UBE2E1: variants seen among roughly 807,000 people sequenced by gnomAD.
The protein encoded by UBE2E1 is ubiquitin conjugating enzyme E2 E1.
UBE2E1 carries 6 observed loss-of-function variants against 21.4 expected under a neutral mutation model. The ratio of observed to expected loss-of-function variants is 0.28; its 90% CI spans 0.15 to 0.55. The LOEUF is 0.55. Ranked by LOEUF, UBE2E1 falls within the 20% of genes least tolerant of loss-of-function variation. UBE2E1 has a pLI of 0.93. For missense variants in UBE2E1, 142 were observed against 236.5 expected, an observed-to-expected ratio of 0.60 and a Z score of 2.62; for synonymous variants, 87 against 82.7, an observed-to-expected ratio of 1.05 and a Z score of -0.28.
rs1036451559 is a variant in UBE2E1 at position 23,876,824 on chromosome 3, G to A, written c.204-10743G>A. Among the ~76,000 whole-genome samples, 2 of 152,028 alleles carry A rather than the reference G, an allele frequency of 1.3e-5. No individual in the cohort carries two copies. Among genetic ancestry groups the A allele is most frequent in the Non-Finnish European group, 2.9e-5 (2 of 67,990 alleles). ...CTTTCAGAGGCCAAGCAGAAGTATC[G>A]CTTGAGCCCAGGAGTTCAAGACCAG... is the stretch of plus-strand genomic sequence containing the variant. On this transcript the variant is annotated intron_variant, in intron 3 of 5. Coordinates refer to ENST00000306627, the MANE Select transcript of UBE2E1 (RefSeq NM_003341.5). The surrounding 1 kb of genome is among the most constrained non-coding windows in gnomAD (Gnocchi z 4.3).
At chr3:23,832,005 C>G (rs1458683455) in intron 3 of UBE2E1, among the ~76,000 whole-genome samples, 1 of 152,176 alleles carries the variant, frequency 6.6e-6, no homozygotes, top group Admixed American at 6.5e-5. Flanking sequence ...CATGCCCAGC[C>G]AAATACTTTT....
At chr3:23,848,737 G>C (rs1363476964) in intron 3 of UBE2E1, among the ~76,000 whole-genome samples, 1 of 152,212 alleles carries the variant, frequency 6.6e-6, no homozygotes, top group East Asian at 1.9e-4. Flanking sequence ...GATTAGGAAA[G>C]AATTTAAACA....
rs76692634 is a variant in UBE2E1 at position 23,816,323 on chromosome 3, C to G, written c.203+4813C>G. On this transcript the variant is annotated intron_variant, in intron 3 of 5. Coordinates refer to ENST00000306627, the MANE Select transcript of UBE2E1 (RefSeq NM_003341.5). This position sits in a 1 kb window ranked among gnomAD's most constrained non-coding sequence, Gnocchi z 4.8. ...GTCTGTCAACAGATGAGTGGATAAA[C>G]AAAATTTGGTTAATCTATAAACTGG... 0.048 allele frequency among the ~76,000 whole-genome samples: 7,325 copies of G among 152,108 alleles called. 222 individuals are homozygous for G. Among genetic ancestry groups the G allele is most frequent in the East Asian group, 0.11 (557 of 5,178 alleles).
chr3:23,835,232 G>A (rs921179793), intron 3 of UBE2E1, among the ~76,000 whole-genome samples: 8 of 152,188 alleles, frequency 5.3e-5, no homozygotes, highest in Non-Finnish European at 1.0e-4. Context: ...CACTTTGGGA[G>A]GTTGAGGCAG....
intron 3 of UBE2E1, among the ~76,000 whole-genome samples, chr3:23,817,439 G>GA (rs71620796): frequency 3.9e-5 from 3 of 77,576 alleles, no homozygotes; most frequent in African/African-American, 1.3e-4. Flanking sequence ...AAAAAAAAAA[G>GA]AAAGAAAAGA....
chr3:23,880,072 G>C (rs537200913), intron 3 of UBE2E1, among the ~76,000 whole-genome samples: 6 of 152,228 alleles, frequency 3.9e-5, no homozygotes, highest in African/African-American at 1.4e-4. Flanking sequence ...CCTGGTGAGA[G>C]CCTGTCTCTA....
rs1457734225 is a variant in UBE2E1 at position 23,870,063 on chromosome 3, C to G, written c.204-17504C>G. 6.6e-6 allele frequency among the ~76,000 whole-genome samples: 1 copy of G among 152,180 alleles called. No individual in the cohort carries two copies. The highest frequency in any genetic ancestry group is 2.4e-5 in the African/African-American group (1 of 41,428). ...CTGGAGTCATGTGAAGCCTTCCTCA[C>G]TTTTACATGTCTGGTTTTCCACCTG... On this transcript the variant is annotated intron_variant, in intron 3 of 5. Coordinates refer to ENST00000306627, the MANE Select transcript of UBE2E1 (RefSeq NM_003341.5). The surrounding 1 kb of genome is among the most constrained non-coding windows in gnomAD (Gnocchi z 4.2).
chr3:23,810,368 T>C lies in UBE2E1; in HGVS notation c.153-1092T>C. 2.0e-6 allele frequency: 3 copies of C among 1,476,820 alleles called. No individual in the cohort carries two copies. The South Asian group carries it at 3.6e-5, about 18-fold the overall frequency. The allele number at this position is 1,476,820 out of a possible 1,614,324, so 91.5% of individuals were successfully genotyped here. A position where few individuals can be genotyped will look rare whatever the true frequency, so the allele number is the denominator to read the frequency against. On this transcript the variant is annotated intron_variant, in intron 2 of 5. Transcript: ENST00000306627. This position sits in a 1 kb window ranked among gnomAD's most constrained non-coding sequence, Gnocchi z 5.8. ...GGCTTGGTGTGAACTGCCTGGTGGC[T>C]TCGGCCTATGAGTGGGGGATGGGGC...
intron 2 of UBE2E1, 87 bp downstream of exon 2, chr3:23,807,508 T>C: frequency 4.6e-6 from 7 of 1,510,778 alleles, no homozygotes; most frequent in Non-Finnish European, 6.2e-6. Context: ...GAGGATAGCT[T>C]AAACGCTCCT....
rs184568036 is a variant in UBE2E1, at chr3:23,870,646, T to C, written c.204-16921T>C. 2.6e-5 allele frequency among the ~76,000 whole-genome samples: 4 copies of C among 151,840 alleles called. No homozygotes were observed. The highest frequency in any genetic ancestry group is 7.3e-5 in the African/African-American group (3 of 41,316). ...CCAAAACTATAAAACTGTTCACTTATATTTTCTTCAAGTTCCTATTTAAAA... is the reference window on the plus strand; with the variant it reads ...CCAAAACTATAAAACTGTTCACTTACATTTTCTTCAAGTTCCTATTTAAAA... On this transcript the variant is annotated intron_variant, in intron 3 of 5. Transcript: ENST00000306627. This position sits in a 1 kb window ranked among gnomAD's most constrained non-coding sequence, Gnocchi z 4.2.
intron 3 of UBE2E1, among the ~76,000 whole-genome samples, chr3:23,852,985 C>T (rs569396842): frequency 1.2e-4 from 18 of 151,866 alleles, no homozygotes; most frequent in African/African-American, 3.4e-4. Flanking sequence ...GGCATGATCT[C>T]GGCTCACCAC....
At chr3:23,824,279 G>A (rs1236475266) in intron 3 of UBE2E1, among the ~76,000 whole-genome samples, 1 of 152,162 alleles carries the variant, frequency 6.6e-6, no homozygotes, top group Admixed American at 6.5e-5. Context: ...GGAGGGACCC[G>A]ATGCTCCCTT....
intron 4 of UBE2E1, chr3:23,888,398 C>A: frequency 2.9e-6 from 1 of 348,306 alleles, no homozygotes; most frequent in Non-Finnish European, 5.7e-6. Flanking sequence ...AATCGAAAGT[C>A]ACTTTTTTAA....
intron 2 of UBE2E1, among the ~76,000 whole-genome samples, chr3:23,809,630 C>G (rs535609411): frequency 6.6e-6 from 1 of 152,178 alleles, no homozygotes; most frequent in African/African-American, 2.4e-5. Flanking sequence ...TTGGTATTAA[C>G]GCTTCTTAGG....
chr3:23,819,457 C>A (rs1362442706), intron 3 of UBE2E1, among the ~76,000 whole-genome samples: 1 of 152,108 alleles, frequency 6.6e-6, no homozygotes, highest in East Asian at 1.9e-4. Context: ...ATTTTTGGTG[C>A]TTGAGTAGCA....
intron 3 of UBE2E1, among the ~76,000 whole-genome samples, chr3:23,877,971 C>CCTGCCCCTGCCT (rs1314182792): frequency 5.3e-5 from 8 of 152,138 alleles, no homozygotes; most frequent in African/African-American, 1.9e-4. Context: ...CTGTTGCTAC[C>CCTGCCCCTGCCT]CTGCCCCTGC....
rs1406183575 is a variant in UBE2E1, at chr3:23,890,871, T to C, written c.*265T>C. On this transcript the variant is annotated 3_prime_UTR_variant, in exon 6 of 6. Transcript: ENST00000306627. ...CAGAAAAGAATGTACATTTAGACATTTGGGTTCAGTTGCTTGTAGTCTGTA... is the reference window on the plus strand; with the variant it reads ...CAGAAAAGAATGTACATTTAGACATCTGGGTTCAGTTGCTTGTAGTCTGTA... 3.5e-6 allele frequency: 1 copy of C among 283,742 alleles called. No homozygotes were observed. Among genetic ancestry groups the C allele is most frequent in the Non-Finnish European group, 6.5e-6 (1 of 153,018 alleles). 17.6% of individuals were successfully genotyped at this position (283,742 alleles called of 1,614,324 possible). A position where few individuals can be genotyped will look rare whatever the true frequency, so the allele number is the denominator to read the frequency against.
chr3:23,832,358 T>G (rs1699884971), intron 3 of UBE2E1, among the ~76,000 whole-genome samples: 2 of 152,124 alleles, frequency 1.3e-5, no homozygotes, highest in African/African-American at 2.4e-5. Flanking sequence ...TATAGAGGTG[T>G]GGGGGGCTGG....
chr3:23,885,379 C>A (rs1423610882), intron 3 of UBE2E1, among the ~76,000 whole-genome samples: 1 of 152,142 alleles, frequency 6.6e-6, no homozygotes. Context: ...CGGTTCTAAC[C>A]TCAGGAAATG....
Sources: allele counts gnomAD v4.1 joint callset (sites outside exome capture counted in the v4.1 genomes callset), GRCh38; gene constraint gnomAD v4.1.1; non-coding constraint Gnocchi (gnomAD v3.1); transcripts MANE v1.5; gene names NCBI Gene and HGNC (gene_info 2026-07-23, HGNC 2026-07-21).